The following CFAP46 variants were observed in gnomAD, a reference collection of about 807,000 sequenced individuals.
CFAP46 encodes the protein cilia- and flagella-associated protein 46.
In CFAP46, 245 loss-of-function variants were observed where a neutral mutation model predicts 325.7. The observed-to-expected ratio is 0.75, with a 90% CI of 0.68 to 0.84. The LOEUF (loss-of-function observed/expected upper bound fraction) is 0.84, where lower values mean the gene tolerates loss of function less well. Among genes scored for constraint, CFAP46 ranks in the 40% least tolerant of loss-of-function variants. The probability of loss-of-function intolerance (pLI) is 0.00; values close to 1 mark genes in which losing one functional copy is unlikely to be tolerated. For synonymous variants in CFAP46, 1,523 were observed against 1,495.9 expected, an observed-to-expected ratio of 1.02 and a Z score of -0.42; for missense variants, 3,346 against 3,543.0, an observed-to-expected ratio of 0.94 and a Z score of 1.41.
At chr10:132,910,106 C>A in intron 19 of CFAP46, 38 bp from the exon 20 acceptor site, 3 of 1,376,498 alleles carry the variant, frequency 2.2e-6, no homozygotes, top group Middle Eastern at 1.9e-4. Context: ...AACCTGAATT[C>A]TAAACAGGGG....
rs146475341 is a variant in CFAP46, at chr10:132,901,934, G to A, written c.2925-2268C>T. ...TTGTATTCTGGTTTGCATCATTTCT[G>A]ATGAGAAGTCAGCAGCAGCTCTTGC... is the stretch of plus-strand genomic sequence containing the variant. On this transcript the variant is annotated intron_variant, in intron 22 of 57. Coordinates refer to ENST00000368586, the MANE Select transcript of CFAP46 (RefSeq NM_001200049.3). 9.5e-3 allele frequency among the ~76,000 whole-genome samples: 1,445 copies of A among 152,268 alleles called. 13 individuals are homozygous for A. The highest frequency in any genetic ancestry group is 0.043 in the South Asian group (207 of 4,822).
Position 132,892,403 on chromosome 10 carries a change from C to A in CFAP46, c.3234G>T (p.Thr1078=). The change falls in exon 25 of 58, where the codon ACG becomes ACT. Residue 1078 remains threonine (T), a synonymous_variant. Transcript: ENST00000368586. ...TEARKQEKGK[T]LLLHQWPTAD... ...CCGTGGGCCACTGGTGCAGAAGCAGCGTCTTTCCTTTCTCCTAAAGTAACG... is the reference window on the plus strand; with the variant it reads ...CCGTGGGCCACTGGTGCAGAAGCAGAGTCTTTCCTTTCTCCTAAAGTAACG... 1 of 1,550,872 alleles carries A rather than the reference C, an allele frequency of 6.4e-7. No individual in the cohort carries two copies.
chr10:132,908,675 C>A lies in CFAP46; in HGVS notation c.2758-41G>T, dbSNP rs1591084472. ...AAGAGAAGGGGCACCGTGTTAGCAACAACGAACTTCCCACGGCCTGCAGCC... is the reference window on the plus strand; with the variant it reads ...AAGAGAAGGGGCACCGTGTTAGCAAAAACGAACTTCCCACGGCCTGCAGCC... On this transcript the variant is annotated intron_variant, in intron 21 of 57. Transcript: ENST00000368586. 2.0e-6 allele frequency: 3 copies of A among 1,489,488 alleles called. No homozygotes were observed. The East Asian group carries it at 7.4e-5, about 37-fold the overall frequency. 92.3% of individuals were successfully genotyped at this position (1,489,488 alleles called of 1,614,324 possible).
At chr10:132,824,048 G>A (rs896963364) in intron 50 of CFAP46, among the ~76,000 whole-genome samples, 2 of 129,646 alleles carry the variant, frequency 1.5e-5, no homozygotes, top group African/African-American at 6.1e-5. Flanking sequence ...GTGCTGATGT[G>A]TGCTGTGTGT....
chr10:132,852,001 G>T (rs1199893730), intron 39 of CFAP46, among the ~76,000 whole-genome samples: 1 of 152,030 alleles, frequency 6.6e-6, no homozygotes, highest in Non-Finnish European at 1.5e-5. Context: ...CACAGACCTG[G>T]TATGTTCCTC....
chr10:132,926,895 G>A (rs776137008), intron 9 of CFAP46, among the ~76,000 whole-genome samples: 6 of 152,204 alleles, frequency 3.9e-5, no homozygotes, highest in Admixed American at 6.5e-5. Flanking sequence ...AGAGCGGCAC[G>A]GGAGGGTCCT....
rs115060310 is a variant in CFAP46, at chr10:132,851,393, C to T, written c.5575-88G>A. ...CACAACTTGGATGAGGCATAACCGA[C>T]GTAAGAAACTCATAACAAACTGCGC... On this transcript the variant is annotated intron_variant, in intron 39 of 57. Transcript: ENST00000368586. 1.0e-3 allele frequency: 1,337 copies of T among 1,286,914 alleles called. 16 individuals are homozygous for T. The African/African-American group carries it at 0.017, about 17-fold the overall frequency. 79.7% of individuals were successfully genotyped at this position (1,286,914 alleles called of 1,614,324 possible).
intron 39 of CFAP46, among the ~76,000 whole-genome samples, chr10:132,854,612 C>T (rs1308526866): frequency 7.2e-5 from 11 of 152,168 alleles, no homozygotes; most frequent in Non-Finnish European, 8.8e-5. Flanking sequence ...GACGGGATTA[C>T]ACGCATGAGC....
chr10:132,892,235 A>G, intron 25 of CFAP46, 98 bp downstream of exon 25: 1 of 1,149,068 alleles, frequency 8.7e-7, no homozygotes. Flanking sequence ...GCTTCACGTC[A>G]GGGCATGGGA....
rs776479925 is a variant in CFAP46 at position 132,876,996 on chromosome 10, G to A, written c.4213-35C>T. The A allele has an allele frequency of 5.8e-6, 9 of 1,540,964 alleles. No individual in the cohort carries two copies. Among genetic ancestry groups the A allele is most frequent in the African/African-American group, 2.7e-5 (2 of 72,838 alleles). On this transcript the variant is annotated intron_variant, in intron 30 of 57. Transcript: ENST00000368586. This position sits in a 1 kb window ranked among gnomAD's most constrained non-coding sequence, Gnocchi z 4.1. Reference sequence around the variant, plus strand: ...CAAGAATACAGGATTTACCTGAAACGGTGGAGGTGAAACAGCAGACACCCC... The same window carrying A: ...CAAGAATACAGGATTTACCTGAAACAGTGGAGGTGAAACAGCAGACACCCC...
At chr10:132,815,447 C>A (rs892310963) in intron 50 of CFAP46, among the ~76,000 whole-genome samples, 1 of 152,230 alleles carries the variant, frequency 6.6e-6, no homozygotes, top group Non-Finnish European at 1.5e-5. Context: ...AAAGAGGCTG[C>A]TTCTGAGGGA....
chr10:132,920,698 G>A (rs1394858734), intron 13 of CFAP46, among the ~76,000 whole-genome samples: 5 of 152,224 alleles, frequency 3.3e-5, no homozygotes, highest in African/African-American at 4.8e-5. Flanking sequence ...GCCTCCCCTG[G>A]CTGGTGTCCA....
rs974101484 is a variant in CFAP46 at position 132,878,107 on chromosome 10, C to T, written c.4006-20G>A. 1.3e-6 allele frequency: 2 copies of T among 1,549,444 alleles called. No individual in the cohort carries two copies. The highest frequency in any genetic ancestry group is 1.4e-5 in the African/African-American group (1 of 73,140). Reference sequence around the variant, plus strand: ...AGAAACCTGGTGGGGATGAAATCCACATTTGCAGCACTGAAAACCCACCCA... The same window carrying T: ...AGAAACCTGGTGGGGATGAAATCCATATTTGCAGCACTGAAAACCCACCCA... On this transcript the variant is annotated intron_variant, in intron 29 of 57. Coordinates refer to ENST00000368586, the MANE Select transcript of CFAP46 (RefSeq NM_001200049.3).
chr10:132,872,215 A>T (rs1848903463), intron 32 of CFAP46, among the ~76,000 whole-genome samples: 2 of 152,198 alleles, frequency 1.3e-5, no homozygotes, highest in Admixed American at 1.3e-4. Context: ...ATATTCTCCT[A>T]AGGATCAGGT....
intron 7 of CFAP46, among the ~76,000 whole-genome samples, chr10:132,936,555 T>C (rs1313268545): frequency 3.0e-3 from 201 of 66,202 alleles, no homozygotes; most frequent in South Asian, 4.2e-3. Context: ...AGCCCCCAAA[T>C]ACACTGTGAT....
At position 132,827,818 on chromosome 10, in the gene CFAP46, T is replaced by C. The variant is rs1355281413; in HGVS notation, c.7117+5540A>G. ...CCCAGGAAGCAACTTACCTGCCTTCTGACTTGTACATTGGTTTGTATTTCC... is the reference window on the plus strand; with the variant it reads ...CCCAGGAAGCAACTTACCTGCCTTCCGACTTGTACATTGGTTTGTATTTCC... On this transcript the variant is annotated intron_variant, in intron 50 of 57. Coordinates refer to ENST00000368586, the MANE Select transcript of CFAP46 (RefSeq NM_001200049.3). The surrounding 1 kb of genome is among the most constrained non-coding windows in gnomAD (Gnocchi z 5.7). Among the ~76,000 whole-genome samples the C allele has an allele frequency of 6.6e-6, 1 of 150,458 alleles. No individual in the cohort carries two copies. The highest frequency in any genetic ancestry group is 2.4e-5 in the African/African-American group (1 of 40,980).
rs748461222 is a variant in CFAP46 at position 132,937,638 on chromosome 10, C to T, written c.574G>A (p.Glu192Lys). 8 of 1,612,756 alleles carry T rather than the reference C, an allele frequency of 5.0e-6. No individual in the cohort carries two copies. Among genetic ancestry groups the T allele is most frequent in the Non-Finnish European group, 5.9e-6 (7 of 1,179,598 alleles). The change falls in exon 6 of 58, where the codon GAG becomes AAG. Residue 192 changes from glutamate (E) to lysine (K), a missense_variant. By Grantham distance (56) the Glu-to-Lys change is moderately conservative. Coordinates refer to ENST00000368586, the MANE Select transcript of CFAP46 (RefSeq NM_001200049.3). ...LECYLQAGRK[E>K]EAARFCSTAA... Reference sequence around the variant, plus strand: ...GTGGAGCAGAACCTGGCAGCCTCCTCCTTTCTTCCGGCTTGCAGATAACAC... The same window carrying T: ...GTGGAGCAGAACCTGGCAGCCTCCTTCTTTCTTCCGGCTTGCAGATAACAC...
chr10:132,905,725 T>A (rs549559230), intron 22 of CFAP46, among the ~76,000 whole-genome samples: 269 of 152,356 alleles, frequency 1.8e-3, no homozygotes, highest in African/African-American at 6.2e-3. Context: ...CAGCCTGGTG[T>A]CAGACAGAGA....
intron 56 of CFAP46, 121 bp from the exon 57 acceptor site, chr10:132,810,610 C>T (rs775893314): frequency 3.2e-5 from 28 of 885,804 alleles, no homozygotes; most frequent in East Asian, 2.1e-4. Flanking sequence ...TGGCCCGCAG[C>T]GCGTTGTCCT....
Sources: allele counts gnomAD v4.1 joint callset (sites outside exome capture counted in the v4.1 genomes callset), GRCh38; gene constraint gnomAD v4.1.1; non-coding constraint Gnocchi (gnomAD v3.1); transcripts MANE v1.5; gene names NCBI Gene and HGNC (gene_info 2026-07-23, HGNC 2026-07-21).